Variants in ARHGAP36 observed in about 807,000 individuals in gnomAD.
The protein encoded by ARHGAP36 is Rho GTPase activating protein 36, also known as rho GTPase-activating protein 36.
ARHGAP36 carries 7 observed loss-of-function variants against 32.9 expected under a neutral mutation model. The observed-to-expected ratio is 0.21, with a 90% confidence interval of 0.12 to 0.40. The LOEUF is 0.40. Ranked by LOEUF, ARHGAP36 falls within the 10% of genes least tolerant of loss-of-function variation. ARHGAP36 has a pLI of 1.00. For synonymous variants in ARHGAP36, 165 were observed against 168.3 expected (o/e 0.98, Z 0.15); for missense variants, 383 against 442.2 (o/e 0.87, Z 1.20).
At chrX:131,077,202 T>G (rs1419574998) in intron 1 of ARHGAP36, among the ~76,000 whole-genome samples, 1 of 112,450 alleles carries the variant, frequency 8.9e-6, no homozygotes, top group Non-Finnish European at 1.9e-5. Context: ...TTTCCCATGT[T>G]GTGATACATT....
chrX:131,084,957 A>C lies in ARHGAP36; in HGVS notation c.848A>C (p.Asp283Ala). The stretch of plus-strand genomic sequence containing the variant: ...CAAGGTCTGGATGTAGTGCTGGATG[A>C]CAATCAGAATGTGCATGATGTGGCT... ...FDQGLDVVLD[D>A]NQNVHDVAAL... is the part of the protein sequence containing the mutation. Residue 283 changes from aspartate (D) to alanine (A), a missense_variant, in exon 7 of 12, where the codon GAC becomes GCC. Coordinates refer to ENST00000276211, the MANE Select transcript of ARHGAP36 (RefSeq NM_144967.4). 5 of 1,211,922 alleles carry C rather than the reference A, an allele frequency of 4.1e-6. No homozygotes were observed. Among genetic ancestry groups the C allele is most frequent in the Non-Finnish European group, 5.6e-6 (5 of 895,553 alleles).
Position 131,058,368 on chromosome X carries a change from C to G in ARHGAP36, c.-219C>G, listed in dbSNP as rs1213318551. The G allele has an allele frequency of 1.8e-6, 2 of 1,124,736 alleles. No individual in the cohort carries two copies. Among genetic ancestry groups the G allele is most frequent in the Non-Finnish European group, 1.2e-6 (1 of 852,897 alleles). The allele number at this position is 1,124,736 out of a possible 1,213,427, so 92.7% of individuals were successfully genotyped here. A position where few individuals can be genotyped will look rare whatever the true frequency, so the allele number is the denominator to read the frequency against. On this transcript the variant is annotated 5_prime_UTR_variant, in exon 1 of 12. Transcript: ENST00000276211. Reference sequence around the variant, plus strand: ...GACGCAAAGGTTAACTGCGAGCTGCCGGGCACTCAGCGCGGGTCATGGCGT... The same window carrying G: ...GACGCAAAGGTTAACTGCGAGCTGCGGGGCACTCAGCGCGGGTCATGGCGT...
intron 3 of ARHGAP36, among the ~76,000 whole-genome samples, chrX:131,083,492 C>T (rs1005150994): frequency 6.2e-5 from 7 of 112,012 alleles, no homozygotes; most frequent in Admixed American, 2.8e-4. Context: ...GGTAGTCACC[C>T]CCAGGGAAAA....
intron 1 of ARHGAP36, among the ~76,000 whole-genome samples, chrX:131,067,113 A>G (rs2079702859): frequency 8.9e-6 from 1 of 112,526 alleles, no homozygotes; most frequent in Admixed American, 9.3e-5. Flanking sequence ...ACAGAAGAGC[A>G]GAGAAAGTTT....
intron 7 of ARHGAP36, 92 bp downstream of exon 7, chrX:131,085,156 T>C (rs1208378278): frequency 1.0e-4 from 99 of 958,449 alleles, no homozygotes; most frequent in Non-Finnish European, 1.3e-4. Flanking sequence ...TGGAGGACTT[T>C]GAAGAACTAA....
At chrX:131,083,526 C>G (rs887317197) in intron 3 of ARHGAP36, among the ~76,000 whole-genome samples, 2 of 111,934 alleles carry the variant, frequency 1.8e-5, no homozygotes, top group Non-Finnish European at 3.8e-5. Flanking sequence ...CCTCGAGCCT[C>G]GTCGGGGTGG....
intron 1 of ARHGAP36, among the ~76,000 whole-genome samples, chrX:131,070,648 C>A (rs913986576): frequency 9.0e-6 from 1 of 111,594 alleles, no homozygotes; most frequent in African/African-American, 3.3e-5. Flanking sequence ...TCACCTATGT[C>A]ATTTCACACA....
intron 1 of ARHGAP36, among the ~76,000 whole-genome samples, chrX:131,069,284 A>G (rs2079720004): frequency 8.9e-6 from 1 of 111,804 alleles, no homozygotes; most frequent in Non-Finnish European, 1.9e-5. Flanking sequence ...CAGCAAGGGA[A>G]AGGGAGATGG....
chrX:131,081,485 G>A, intron 1 of ARHGAP36, 39 bp from the exon 2 acceptor site: 1 of 1,032,007 alleles, frequency 9.7e-7, no homozygotes, highest in Non-Finnish European at 1.2e-6. Context: ...TCTGTTAAGG[G>A]CTGAATTTTT....
Position 131,085,755 on chromosome X carries a change from G to A in ARHGAP36, c.1104+19G>A, listed in dbSNP as rs371786605. The A allele has an allele frequency of 1.7e-6, 2 of 1,209,529 alleles. No individual in the cohort carries two copies. Among genetic ancestry groups the A allele is most frequent in the Non-Finnish European group, 1.1e-6 (1 of 894,273 alleles). Reference sequence around the variant, plus strand: ...ACAGTTGGTAAAAAGATCTTGGAAAGAGTAGTGAAAACTGTAGTAGGGGAC... The same window carrying A: ...ACAGTTGGTAAAAAGATCTTGGAAAAAGTAGTGAAAACTGTAGTAGGGGAC... On this transcript the variant is annotated intron_variant, in intron 8 of 11. Coordinates refer to ENST00000276211, the MANE Select transcript of ARHGAP36 (RefSeq NM_144967.4).
At position 131,058,360 on chromosome X, in the gene ARHGAP36, C is replaced by T. The variant is rs1304221920; in HGVS notation, c.-227C>T. The T allele has an allele frequency of 8.9e-7, 1 of 1,125,546 alleles. No individual in the cohort carries two copies. The highest frequency in any genetic ancestry group is 1.2e-6 in the Non-Finnish European group (1 of 852,969). 92.8% of individuals were successfully genotyped at this position (1,125,546 alleles called of 1,213,427 possible). On this transcript the variant is annotated 5_prime_UTR_variant, in exon 1 of 12. Transcript: ENST00000276211. The stretch of plus-strand genomic sequence containing the variant: ...CGGGGGACGACGCAAAGGTTAACTG[C>T]GAGCTGCCGGGCACTCAGCGCGGGT...
chrX:131,083,984 C>T lies in ARHGAP36; in HGVS notation c.555+15C>T. On this transcript the variant is annotated intron_variant, in intron 4 of 11. Transcript: ENST00000276211. ...GTGGGCGTCGAGTGAGTTAAACCCT[C>T]CAGGTTTCAGGCAGGGGCCTCTCCT... 2 of 1,204,134 alleles carry T rather than the reference C, an allele frequency of 1.7e-6. No individual in the cohort carries two copies. The highest frequency in any genetic ancestry group is 2.8e-4 in the Middle Eastern group (1 of 3,551).
chrX:131,074,356 T>TGA (rs1444742473), intron 1 of ARHGAP36, among the ~76,000 whole-genome samples: 137 of 38,469 alleles, frequency 3.6e-3, no homozygotes, highest in African/African-American at 6.7e-3. Context: ...TGTGTGTGTG[T>TGA]GTGAGAGAGA....
Position 131,081,750 on chromosome X carries a change from A to AT in ARHGAP36, c.92dup (p.Leu31PhefsTer27). The AT allele has an allele frequency of 4.1e-6, 5 of 1,211,576 alleles. No individual in the cohort carries two copies. The highest frequency in any genetic ancestry group is 5.6e-6 in the Non-Finnish European group (5 of 895,446). On this transcript the variant is annotated frameshift_variant, in exon 2 of 12. Transcript: ENST00000276211. LOFTEE classifies it high-confidence loss of function. Reference sequence around the variant, plus strand: ...CCCTTTGCTGTTGTTGTCCGCCTTCATTTTTTTAGTGAGTGTCTTGGGAGG... The same window carrying AT: ...CCCTTTGCTGTTGTTGTCCGCCTTCATTTTTTTTAGTGAGTGTCTTGGGAGG...
Position 131,088,931 on chromosome X carries a change from T to A in ARHGAP36, c.*146T>A. 1.2e-6 allele frequency: 1 copy of A among 832,481 alleles called. No homozygotes were observed. 68.6% of individuals were successfully genotyped at this position (832,481 alleles called of 1,213,427 possible). A position where few individuals can be genotyped will look rare whatever the true frequency, so the allele number is the denominator to read the frequency against. On this transcript the variant is annotated 3_prime_UTR_variant, in exon 12 of 12. Coordinates refer to ENST00000276211, the MANE Select transcript of ARHGAP36 (RefSeq NM_144967.4). ...CTGATGCTCGGGTCAGGATGAGAAT[T>A]CCAAACACACTGCCAGCCCCTTCAC... is the stretch of plus-strand genomic sequence containing the variant.
rs146357298 is a variant in ARHGAP36, at chrX:131,084,994, G to A, written c.885G>A (p.Lys295=). ...QNVHDVAALL[K]EFFRDMKDSL... ...TGCATGATGTGGCTGCACTCCTCAA[G>A]GAGTTTTTCCGTGACATGAAGGATT... The change falls in exon 7 of 12, where the codon AAG becomes AAA. Residue 295 remains lysine (K), a synonymous_variant. Coordinates refer to ENST00000276211, the MANE Select transcript of ARHGAP36 (RefSeq NM_144967.4). 4.0e-4 allele frequency: 481 copies of A among 1,210,002 alleles called. 3 individuals carry two copies. In the African/African-American group the frequency reaches 7.1e-3, roughly 18 times the overall value.
intron 1 of ARHGAP36, among the ~76,000 whole-genome samples, chrX:131,060,741 A>G (rs2079664294): frequency 8.9e-6 from 1 of 112,102 alleles, no homozygotes; most frequent in African/African-American, 3.2e-5. Flanking sequence ...TTACTCAAAC[A>G]ACAGCAGCTG....
chrX:131,060,958 G>A (rs745396442), intron 1 of ARHGAP36, among the ~76,000 whole-genome samples: 1 of 111,948 alleles, frequency 8.9e-6, no homozygotes, highest in Non-Finnish European at 1.9e-5. Flanking sequence ...ATATTCTGCA[G>A]GGCTATAATT....
chrX:131,078,777 G>A (rs990042389), intron 1 of ARHGAP36: 4 of 970,233 alleles, frequency 4.1e-6, no homozygotes, highest in Non-Finnish European at 4.0e-6. Context: ...CAATTTTTCT[G>A]TTAGAACTGC....
Sources: gnomAD v4.1 joint callset for allele counts (sites outside exome capture counted in the v4.1 genomes callset) on GRCh38, gnomAD v4.1.1 for gene constraint, MANE v1.5 for transcripts, NCBI Gene and HGNC (gene_info 2026-07-23, HGNC 2026-07-21) for gene names.